Variants in CTDSP2 observed in about 807,000 individuals in gnomAD.
CTDSP2 encodes CTD small phosphatase 2.
In CTDSP2, 9 loss-of-function variants were observed where a neutral mutation model predicts 31.6. The observed-to-expected ratio is 0.28, with a 90% confidence interval of 0.17 to 0.50. The LOEUF (loss-of-function observed/expected upper bound fraction) is 0.50, where lower values mean the gene tolerates loss of function less well. Ranked by LOEUF, CTDSP2 falls within the 20% of genes least tolerant of loss-of-function variation. The pLI is 0.98. For missense variants in CTDSP2, 267 were observed against 348.5 expected, an observed-to-expected ratio of 0.77 and a Z score of 1.86; for synonymous variants, 134 against 134.5, an observed-to-expected ratio of 1.00 and a Z score of 0.03.
At chr12:57,832,666 C>T (rs1956222942) in intron 1 of CTDSP2, among the ~76,000 whole-genome samples, 1 of 151,576 alleles carries the variant, frequency 6.6e-6, no homozygotes, top group Admixed American at 6.6e-5. Flanking sequence ...GTGGCACACA[C>T]CTGTAGTCCC....
rs995667667 is a variant in CTDSP2, at chr12:57,846,649, C to T, written c.-214G>A. ...GCCCGGGCAGCGGCTCCCCCGGGTG[C>T]CCCCGGCCCCGATCCCCCAGCGGCA... On this transcript the variant is annotated 5_prime_UTR_variant, in exon 1 of 8. Coordinates refer to ENST00000398073, the MANE Select transcript of CTDSP2 (RefSeq NM_005730.4). 3 of 448,156 alleles carry T rather than the reference C, an allele frequency of 6.7e-6. No homozygotes were observed. Among genetic ancestry groups the T allele is most frequent in the Non-Finnish European group, 1.2e-5 (3 of 256,618 alleles). The allele number at this position is 448,156 out of a possible 1,614,324, so 27.8% of individuals were successfully genotyped here.
intron 1 of CTDSP2, among the ~76,000 whole-genome samples, chr12:57,837,445 T>C (rs1371199127): frequency 6.6e-6 from 1 of 152,150 alleles, no homozygotes; most frequent in Admixed American, 6.5e-5. Context: ...GTTTTAACAC[T>C]TTGGGGGGCA....
At chr12:57,824,723 C>T (rs1956172211) in intron 5 of CTDSP2, 1 of 531,832 alleles carries the variant, frequency 1.9e-6, no homozygotes, top group East Asian at 5.4e-5. Context: ...TTGGCTCCGA[C>T]AGGACAGTCT....
At chr12:57,842,603 C>T (rs985092840) in intron 1 of CTDSP2, 4 of 152,252 alleles carry the variant, frequency 2.6e-5, no homozygotes, top group African/African-American at 9.7e-5. Flanking sequence ...CAAACACAAG[C>T]TTAAGTCACC....
Position 57,827,506 on chromosome 12 carries a change from C to G in CTDSP2, c.252+46G>C, listed in dbSNP as rs748505890. On this transcript the variant is annotated intron_variant, in intron 3 of 7. Coordinates refer to ENST00000398073, the MANE Select transcript of CTDSP2 (RefSeq NM_005730.4). ...CCCTGCCCGTGGAGCTGGCAGGGAT[C>G]ACAGGATCCTGGCTTCTGAGTACTT... 8.1e-6 allele frequency: 13 copies of G among 1,608,094 alleles called. No individual in the cohort carries two copies. The Admixed American group carries it at 1.5e-4, about 19-fold the overall frequency.
chr12:57,844,055 C>T (rs1457330714), intron 1 of CTDSP2, among the ~76,000 whole-genome samples: 1 of 152,074 alleles, frequency 6.6e-6, no homozygotes, highest in Non-Finnish European at 1.5e-5. Context: ...ATTAGCCAAG[C>T]GTGATGGCGC....
At chr12:57,827,886 C>G (rs1396227395) in intron 2 of CTDSP2, among the ~76,000 whole-genome samples, 1 of 152,204 alleles carries the variant, frequency 6.6e-6, no homozygotes, top group Non-Finnish European at 1.5e-5. Context: ...GTAACTGATT[C>G]AGGGACACAG....
chr12:57,828,105 C>T (rs1294332086), intron 2 of CTDSP2, among the ~76,000 whole-genome samples: 1 of 152,144 alleles, frequency 6.6e-6, no homozygotes, highest in African/African-American at 2.4e-5. Context: ...GCAAGCCCCC[C>T]ACCCCAATTT....
At position 57,827,680 on chromosome 12, in the gene CTDSP2, AC is replaced by A. The variant is rs376924736; in HGVS notation, c.214-91del. On this transcript the variant is annotated intron_variant, in intron 2 of 7. Coordinates refer to ENST00000398073, the MANE Select transcript of CTDSP2 (RefSeq NM_005730.4). ...GCTTCTGTCTTAAGCCTGGAGGGCA[AC>A]TTTCTCCCCCAGACCCAGCCACCTG... 7,974 of 1,337,660 alleles carry A rather than the reference AC, an allele frequency of 6.0e-3. 247 individuals are homozygous for A. The South Asian group carries it at 0.064, about 11-fold the overall frequency. 82.9% of individuals were successfully genotyped at this position (1,337,660 alleles called of 1,614,324 possible).
chr12:57,834,081 C>T (rs1289088832), intron 1 of CTDSP2, among the ~76,000 whole-genome samples: 1 of 152,208 alleles, frequency 6.6e-6, no homozygotes, highest in Non-Finnish European at 1.5e-5. Context: ...AGGCTCTTAA[C>T]CATTACCCTG....
chr12:57,844,412 C>G (rs1288944932), intron 1 of CTDSP2, among the ~76,000 whole-genome samples: 1 of 152,190 alleles, frequency 6.6e-6, no homozygotes, highest in East Asian at 1.9e-4. Flanking sequence ...GATGCCCCGG[C>G]GCAGTCCAGC....
chr12:57,828,195 G>A (rs895489719), intron 2 of CTDSP2, among the ~76,000 whole-genome samples: 2 of 152,094 alleles, frequency 1.3e-5, no homozygotes, highest in African/African-American at 4.8e-5. Flanking sequence ...CGAGGCGCGC[G>A]GATCACCTGA....
intron 1 of CTDSP2, among the ~76,000 whole-genome samples, chr12:57,832,450 G>T (rs1369666298): frequency 6.6e-6 from 1 of 152,140 alleles, no homozygotes; most frequent in Admixed American, 6.6e-5. Context: ...AAGCTCAGAA[G>T]TTCAAGACCA....
At chr12:57,825,143 C>T (rs940761845) in intron 5 of CTDSP2, among the ~76,000 whole-genome samples, 9 of 152,100 alleles carry the variant, frequency 5.9e-5, no homozygotes, top group African/African-American at 1.4e-4. Context: ...GTGTAAGCCA[C>T]GGCACCTGAC....
intron 3 of CTDSP2, 70 bp from the exon 4 acceptor site, chr12:57,827,167 G>T: frequency 9.1e-7 from 1 of 1,102,380 alleles, no homozygotes; most frequent in Non-Finnish European, 1.4e-6. Context: ...GCATAATTAT[G>T]GGAAGAGCTG....
chr12:57,822,796 ACT>A lies in CTDSP2; in HGVS notation c.*804_*805del, dbSNP rs1267249138. On this transcript the variant is annotated 3_prime_UTR_variant, in exon 8 of 8. Transcript: ENST00000398073. ...TTGTCAGAAACAAACCAGGCCCAACACTCTGTGTTTAGAAAGAGAATTTTAAA... is the reference window on the plus strand; with the variant it reads ...TTGTCAGAAACAAACCAGGCCCAACACTGTGTTTAGAAAGAGAATTTTAAA... 4 of 152,436 alleles carry A rather than the reference ACT, an allele frequency of 2.6e-5. No individual in the cohort carries two copies. The highest frequency in any genetic ancestry group is 2.1e-4 in the South Asian group (1 of 4,824). The allele number at this position is 152,436 out of a possible 1,614,324, so 9.4% of individuals were successfully genotyped here. A position where few individuals can be genotyped will look rare whatever the true frequency, so the allele number is the denominator to read the frequency against.
intron 5 of CTDSP2, among the ~76,000 whole-genome samples, chr12:57,824,920 C>T (rs1484990462): frequency 1.3e-5 from 2 of 152,210 alleles, no homozygotes; most frequent in Non-Finnish European, 2.9e-5. Context: ...GTCCTTTGGC[C>T]ACCTGACCCC....
Position 57,829,501 on chromosome 12 carries a change from T to C in CTDSP2, c.160A>G (p.Ser54Gly), listed in dbSNP as rs920674389. The change falls in exon 2 of 8, where the codon AGT (serine) becomes GGT (glycine). Residue 54 changes from serine to glycine, a missense_variant. By Grantham distance (56) the Ser-to-Gly change is moderately conservative. Transcript: ENST00000398073. The part of the protein sequence containing the change: ...CFRAQHVGQS[S>G]SSTELAAYKE... ...TACGCAGCGAGCTCAGTGGAGGAACTTGACTGGCCAACATGCTGGGCGCGA... is the reference window on the plus strand; with the variant it reads ...TACGCAGCGAGCTCAGTGGAGGAACCTGACTGGCCAACATGCTGGGCGCGA... 3.7e-6 allele frequency: 6 copies of C among 1,614,082 alleles called. No individual in the cohort carries two copies. Among genetic ancestry groups the C allele is most frequent in the South Asian group, 2.2e-5 (2 of 91,088 alleles).
In CTDSP2 at chr12:57,820,014, G is replaced by C. The variant is rs146355634; in HGVS notation, c.*3588C>G. 2 of 152,592 alleles carry C rather than the reference G, an allele frequency of 1.3e-5. No homozygotes were observed. The highest frequency in any genetic ancestry group is 2.9e-5 in the Non-Finnish European group (2 of 68,036). 9.5% of individuals were successfully genotyped at this position (152,592 alleles called of 1,614,324 possible). On this transcript the variant is annotated 3_prime_UTR_variant, in exon 8 of 8. Transcript: ENST00000398073. ...AAAATATAAACAGACACTTAATGGC[G>C]TCCTGCATTTCAAGTTTTTGAATAC...
Sources: allele counts gnomAD v4.1 joint callset (sites outside exome capture counted in the v4.1 genomes callset), GRCh38; gene constraint gnomAD v4.1.1; transcripts MANE v1.5; gene names NCBI Gene and HGNC (gene_info 2026-07-23, HGNC 2026-07-21).